SLC9A8: variants seen among roughly 807,000 people sequenced by gnomAD.
SLC9A8 encodes solute carrier family 9 member A8.
In SLC9A8, 48 loss-of-function variants were observed where a neutral mutation model predicts 66.6. The observed-to-expected ratio is 0.72, with a 90% CI of 0.57 to 0.92. The LOEUF is 0.92. SLC9A8 is among the 40% of genes least tolerant of loss of function. The probability of loss-of-function intolerance (pLI) is 0.00; values close to 1 mark genes in which losing one functional copy is unlikely to be tolerated. For missense variants in SLC9A8, 599 were observed against 747.3 expected (o/e 0.80, Z 2.31); for synonymous variants, 274 against 282.6 (o/e 0.97, Z 0.31).
chr20:49,878,844 C>G (rs1179540396), intron 12 of SLC9A8, among the ~76,000 whole-genome samples: 1 of 152,006 alleles, frequency 6.6e-6, no homozygotes, highest in East Asian at 1.9e-4. Context: ...ATGGTGAAAC[C>G]CCATCTCTAC....
intron 7 of SLC9A8, among the ~76,000 whole-genome samples, chr20:49,851,698 A>G (rs1042873704): frequency 2.0e-5 from 3 of 152,012 alleles, no homozygotes; most frequent in Non-Finnish European, 4.4e-5. Flanking sequence ...TTCTATTTCT[A>G]CCTCCACTCA....
chr20:49,855,458 T>TA lies in SLC9A8; in HGVS notation c.591dup (p.Ser198IlefsTer44). 4 of 1,614,226 alleles carry TA rather than the reference T, an allele frequency of 2.5e-6. No homozygotes were observed. Among genetic ancestry groups the TA allele is most frequent in the Non-Finnish European group, 3.4e-6 (4 of 1,180,032 alleles). ...TACAGTTTTGCGTTTGGCTCCCTAATATCTGCTGTCGATCCAGTGGCCACT... is the reference window on the plus strand; with the variant it reads ...TACAGTTTTGCGTTTGGCTCCCTAATAATCTGCTGTCGATCCAGTGGCCACT... On this transcript the variant is annotated frameshift_variant, in exon 8 of 16. Transcript: ENST00000361573. LOFTEE classifies it high-confidence loss of function.
At chr20:49,831,204 C>T (rs999348395) in intron 3 of SLC9A8, 24 of 411,520 alleles carry the variant, frequency 5.8e-5, no homozygotes, top group African/African-American at 4.5e-4. Context: ...TTTCCTTTTA[C>T]ACAGACTTTG....
intron 12 of SLC9A8, among the ~76,000 whole-genome samples, 182 bp from the exon 13 acceptor site, chr20:49,880,742 C>A (rs1469379202): frequency 6.6e-6 from 1 of 152,222 alleles, no homozygotes; most frequent in Non-Finnish European, 1.5e-5. Flanking sequence ...AATCCCGCAG[C>A]TGTGGCAGCA....
chr20:49,845,827 G>T (rs6020084), intron 5 of SLC9A8, among the ~76,000 whole-genome samples: 3 of 148,840 alleles, frequency 2.0e-5, no homozygotes, highest in South Asian at 2.1e-4. Context: ...AGTGTGAGAT[G>T]TTTTTTTTTT....
At chr20:49,877,670 T>C (rs2089474205) in intron 11 of SLC9A8, among the ~76,000 whole-genome samples, 1 of 152,236 alleles carries the variant, frequency 6.6e-6, no homozygotes, top group African/African-American at 2.4e-5. Context: ...ATGACAGTGT[T>C]CAGCAGATTG....
intron 3 of SLC9A8, among the ~76,000 whole-genome samples, chr20:49,838,160 A>G (rs560259519): frequency 6.6e-6 from 1 of 152,304 alleles, no homozygotes; most frequent in Non-Finnish European, 1.5e-5. Context: ...TTTCCAAGAT[A>G]GTTGGTTACC....
chr20:49,840,039 A>G (rs1353202476), intron 4 of SLC9A8, among the ~76,000 whole-genome samples: 1 of 152,082 alleles, frequency 6.6e-6, no homozygotes, highest in African/African-American at 2.4e-5. Context: ...TGTGAGGTGG[A>G]TTGTCTGGGT....
intron 10 of SLC9A8, among the ~76,000 whole-genome samples, chr20:49,872,475 GT>G (rs2089252144): frequency 7.0e-6 from 1 of 142,320 alleles, no homozygotes; most frequent in Non-Finnish European, 1.5e-5. Context: ...TTTTTTTACA[GT>G]TTTTTGTTTG....
intron 6 of SLC9A8, 58 bp from the exon 7 acceptor site, chr20:49,850,752 T>G: frequency 3.1e-6 from 5 of 1,597,332 alleles, no homozygotes; most frequent in Non-Finnish European, 2.6e-6. Flanking sequence ...AAATCTTGGC[T>G]GTTCTCCAGG....
intron 3 of SLC9A8, among the ~76,000 whole-genome samples, chr20:49,832,297 G>T (rs1196536564): frequency 6.6e-6 from 1 of 152,140 alleles, no homozygotes; most frequent in East Asian, 1.9e-4. Context: ...CCAGCATCAT[G>T]GTCTTCGGTG....
At chr20:49,848,459 C>T (rs2088103771) in intron 5 of SLC9A8, among the ~76,000 whole-genome samples, 2 of 151,416 alleles carry the variant, frequency 1.3e-5, no homozygotes, top group African/African-American at 4.8e-5. Flanking sequence ...CACTCTTTCA[C>T]AAGTGGGCTT....
Position 49,816,352 on chromosome 20 carries a change from G to A in SLC9A8, c.208+1163G>A, listed in dbSNP as rs186031056. On this transcript the variant is annotated intron_variant, in intron 2 of 15. Coordinates refer to ENST00000361573, the MANE Select transcript of SLC9A8 (RefSeq NM_015266.3). ...GGAGAATTGCTTGAACCTGGGAGGC[G>A]GAGGCTGCGGTGAGCCAAGATCGTG... Among the ~76,000 whole-genome samples, 268 of 152,046 alleles carry A rather than the reference G, an allele frequency of 1.8e-3. 10 individuals are homozygous for A. Among genetic ancestry groups the A allele is most frequent in the Admixed American group, 0.017 (266 of 15,268 alleles).
chr20:49,884,223 C>CACGCG (rs1568882913), intron 14 of SLC9A8, 157 bp downstream of exon 14: 1 of 230,862 alleles, frequency 4.3e-6, no homozygotes, highest in Non-Finnish European at 7.9e-6. Context: ...CACACACACA[C>CACGCG]ACACACACAC....
Position 49,812,896 on chromosome 20 carries a change from A to G in SLC9A8, c.-27A>G. On this transcript the variant is annotated 5_prime_UTR_variant, in exon 1 of 16. Transcript: ENST00000361573. ...GGTCCTGCTAGCCCCGCGGCTCCGA[A>G]CTCGGTGGTCCTGGAAGCTCCGCAG... 6.7e-7 allele frequency: 1 copy of G among 1,496,502 alleles called. No individual in the cohort carries two copies. The allele number at this position is 1,496,502 out of a possible 1,614,324, so 92.7% of individuals were successfully genotyped here. A position where few individuals can be genotyped will look rare whatever the true frequency, so the allele number is the denominator to read the frequency against.
Position 49,890,059 on chromosome 20 carries a change from T to C in SLC9A8, c.*2123T>C, listed in dbSNP as rs1266861737. 1 of 151,864 alleles carries C rather than the reference T, an allele frequency of 6.6e-6. No homozygotes were observed. Among genetic ancestry groups the C allele is most frequent in the South Asian group, 2.1e-4 (1 of 4,792 alleles). The allele number at this position is 151,864 out of a possible 1,614,324, so 9.4% of individuals were successfully genotyped here. A position where few individuals can be genotyped will look rare whatever the true frequency, so the allele number is the denominator to read the frequency against. ...TGGCGGAAGAGCATGTGGGGCTTGG[T>C]GGAGGGGCCCCAGGATTTGTTGGGG... On this transcript the variant is annotated 3_prime_UTR_variant, in exon 16 of 16. Coordinates refer to ENST00000361573, the MANE Select transcript of SLC9A8 (RefSeq NM_015266.3).
At chr20:49,869,704 G>A (rs1313300072) in intron 10 of SLC9A8, among the ~76,000 whole-genome samples, 1 of 151,972 alleles carries the variant, frequency 6.6e-6, no homozygotes, top group African/African-American at 2.4e-5. Context: ...ATGGTGGCAC[G>A]TGCTGGTAGT....
intron 2 of SLC9A8, among the ~76,000 whole-genome samples, chr20:49,820,489 C>A (rs913497463): frequency 1.3e-5 from 2 of 151,676 alleles, no homozygotes; most frequent in Non-Finnish European, 2.9e-5. Flanking sequence ...GAGTGAGACT[C>A]TGTCTCGGGG....
At chr20:49,857,693 G>A (rs577594366) in intron 8 of SLC9A8, among the ~76,000 whole-genome samples, 3 of 152,244 alleles carry the variant, frequency 2.0e-5, no homozygotes, top group South Asian at 2.1e-4. Flanking sequence ...ATTCCAGCCC[G>A]GGCGTCAGAG....
Sources: gnomAD v4.1 joint callset for allele counts (sites outside exome capture counted in the v4.1 genomes callset) on GRCh38, gnomAD v4.1.1 for gene constraint, MANE v1.5 for transcripts, NCBI Gene and HGNC (gene_info 2026-07-23, HGNC 2026-07-21) for gene names.